Variants in PRC1 observed in about 807,000 individuals in gnomAD.
The protein encoded by PRC1 is protein regulator of cytokinesis 1.
A neutral mutation model predicts 91.2 loss-of-function variants in PRC1; 54 were observed. That is an observed-to-expected ratio of 0.59 (90% confidence interval 0.48 to 0.74). The LOEUF (loss-of-function observed/expected upper bound fraction) is 0.74, where lower values mean the gene tolerates loss of function less well. Ranked by LOEUF, PRC1 falls within the 30% of genes least tolerant of loss-of-function variation. The probability of loss-of-function intolerance (pLI) is 0.00; values close to 1 mark genes in which losing one functional copy is unlikely to be tolerated. For synonymous variants in PRC1, 275 were observed against 263.6 expected (o/e 1.04, Z -0.42); for missense variants, 727 against 746.2 (o/e 0.97, Z 0.30).
Position 90,984,106 on chromosome 15 carries a change from C to G in PRC1, c.179G>C (p.Ser60Thr). 6.2e-7 allele frequency: 1 copy of G among 1,614,164 alleles called. No individual in the cohort carries two copies. Among genetic ancestry groups the G allele is most frequent in the Non-Finnish European group, 8.5e-7 (1 of 1,180,024 alleles). The change falls in exon 3 of 15, where the codon AGC (serine) becomes ACC (threonine). Residue 60 changes from serine (S) to threonine (T), a missense_variant. Transcript: ENST00000394249. The surrounding 1 kb of genome is among the most constrained non-coding windows in gnomAD (Gnocchi z 5.1). ...GCTTTTGATGAGTCTTTCCTTCAGGCTTTCCTCTTCAGCAATCATCATATC... is the reference window on the plus strand; with the variant it reads ...GCTTTTGATGAGTCTTTCCTTCAGGGTTTCCTCTTCAGCAATCATCATATC... ...LLDMMIAEEE[S>T]LKERLIKSIS...
intron 14 of PRC1, 37 bp downstream of exon 14, chr15:90,969,042 G>A: frequency 6.2e-7 from 1 of 1,613,956 alleles, no homozygotes. Flanking sequence ...TGACAGATCA[G>A]TTTGGAAAAG....
chr15:90,968,665 G>A, intron 14 of PRC1: 1 of 1,014,362 alleles, frequency 9.9e-7, no homozygotes, highest in African/African-American at 1.7e-5. Context: ...AAGCCCTGAG[G>A]GGTTAGGAAG....
intron 5 of PRC1, 139 bp from the exon 6 acceptor site, chr15:90,981,172 C>G: frequency 8.8e-7 from 1 of 1,139,274 alleles, no homozygotes; most frequent in East Asian, 2.4e-5. Flanking sequence ...TTCATGCCTC[C>G]TAAACACGAG....
At chr15:90,990,299 G>A (rs1297222883) in intron 1 of PRC1, among the ~76,000 whole-genome samples, 3 of 150,686 alleles carry the variant, frequency 2.0e-5, no homozygotes, top group African/African-American at 4.9e-5. Context: ...TCACGTCACT[G>A]CACTCCAGCC....
rs2038482084 is a variant in PRC1, at chr15:90,974,444, A to G, written c.1350+141T>C. On this transcript the variant is annotated intron_variant, in intron 10 of 14. Transcript: ENST00000394249. The surrounding 1 kb of genome is among the most constrained non-coding windows in gnomAD (Gnocchi z 4.6). ...CCGGTCCCCGGCTCCCCGTTCCACAAGCCCCGGTCCCCGGCTTCCCGTTCC... is the reference window on the plus strand; with the variant it reads ...CCGGTCCCCGGCTCCCCGTTCCACAGGCCCCGGTCCCCGGCTTCCCGTTCC... The G allele has an allele frequency of 1.5e-6, 2 of 1,319,134 alleles. No homozygotes were observed. The highest frequency in any genetic ancestry group is 3.1e-5 in the African/African-American group (2 of 64,898). The allele number at this position is 1,319,134 out of a possible 1,614,324, so 81.7% of individuals were successfully genotyped here. A position where few individuals can be genotyped will look rare whatever the true frequency, so the allele number is the denominator to read the frequency against.
intron 7 of PRC1, 28 bp downstream of exon 7, chr15:90,980,214 A>T (rs759047693): frequency 1.3e-6 from 2 of 1,562,476 alleles, no homozygotes; most frequent in Non-Finnish European, 1.7e-6. Flanking sequence ...CCAAACAAAC[A>T]AACCAAAGAC....
chr15:90,973,083 T>C (rs2038307266), intron 11 of PRC1: 1 of 152,200 alleles, frequency 6.6e-6, no homozygotes, highest in African/African-American at 2.4e-5. Flanking sequence ...CCCTTTCCCA[T>C]CTCTGCAGGA....
chr15:90,969,062 G>C lies in PRC1; in HGVS notation c.1791+17C>G. 1 of 1,614,048 alleles carries C rather than the reference G, an allele frequency of 6.2e-7. No homozygotes were observed. The highest frequency in any genetic ancestry group is 1.1e-5 in the South Asian group (1 of 91,062). ...GATCAGTTTGGAAAAGGGACATGCA[G>C]GGATTGCCATACAGACCTGAAGCCC... is the stretch of plus-strand genomic sequence containing the variant. On this transcript the variant is annotated intron_variant, in intron 14 of 14. Transcript: ENST00000394249.
chr15:90,991,340 C>A (rs964076345), intron 1 of PRC1, among the ~76,000 whole-genome samples: 1 of 151,210 alleles, frequency 6.6e-6, no homozygotes, highest in Non-Finnish European at 1.5e-5. Flanking sequence ...CACTTGAACC[C>A]GGTGAACCCA....
intron 12 of PRC1, 68 bp from the exon 13 acceptor site, chr15:90,969,691 T>G: frequency 7.2e-7 from 1 of 1,389,198 alleles, no homozygotes; most frequent in Non-Finnish European, 9.6e-7. Context: ...ACACAATACC[T>G]GCACTGGTCA....
At chr15:90,980,739 C>G in intron 6 of PRC1, 145 bp downstream of exon 6, 1 of 1,163,670 alleles carries the variant, frequency 8.6e-7, no homozygotes, top group Non-Finnish European at 1.2e-6. Flanking sequence ...CTCCTGACCT[C>G]AAATGATTCA....
At chr15:90,981,145 G>T in intron 5 of PRC1, 112 bp from the exon 6 acceptor site, 2 of 1,389,508 alleles carry the variant, frequency 1.4e-6, no homozygotes, top group Non-Finnish European at 2.0e-6. Flanking sequence ...TTTCATGAGA[G>T]TTCAAAGTAG....
chr15:90,967,150 G>A lies in PRC1; in HGVS notation c.1844C>T (p.Ser615Leu). The change falls in exon 15 of 15, where the codon TCA becomes TTA. Residue 615 changes from serine to leucine, a missense_variant. Coordinates refer to ENST00000394249, the MANE Select transcript of PRC1 (RefSeq NM_003981.4). ...KSDATSGILN[S>L]TNIQS ...GGCTTCTCAGGACTGGATGTTGGTTGAATTGAGGATTCCAGAAGTAGCATC... is the reference window on the plus strand; with the variant it reads ...GGCTTCTCAGGACTGGATGTTGGTTAAATTGAGGATTCCAGAAGTAGCATC... The A allele has an allele frequency of 6.2e-7, 1 of 1,614,072 alleles. No individual in the cohort carries two copies. Among genetic ancestry groups the A allele is most frequent in the African/African-American group, 1.3e-5 (1 of 75,062 alleles).
intron 1 of PRC1, among the ~76,000 whole-genome samples, chr15:90,986,259 G>A (rs982035037): frequency 6.6e-6 from 1 of 152,186 alleles, no homozygotes. Flanking sequence ...CATAATAGCA[G>A]GGAAACAGAA....
At position 90,966,786 on chromosome 15, in the gene PRC1, G is replaced by A. The variant is rs2037530605; in HGVS notation, c.*345C>T. ...ATGCCAAAATTACCCCCAGGGATGGGCATAGTCAATCATTTTCCTACAGTG... is the reference window on the plus strand; with the variant it reads ...ATGCCAAAATTACCCCCAGGGATGGACATAGTCAATCATTTTCCTACAGTG... On this transcript the variant is annotated 3_prime_UTR_variant, in exon 15 of 15. Coordinates refer to ENST00000394249, the MANE Select transcript of PRC1 (RefSeq NM_003981.4). 2 of 429,998 alleles carry A rather than the reference G, an allele frequency of 4.7e-6. No homozygotes were observed. The highest frequency in any genetic ancestry group is 8.9e-6 in the Non-Finnish European group (2 of 223,970). 26.6% of individuals were successfully genotyped at this position (429,998 alleles called of 1,614,324 possible).
chr15:90,985,325 C>A (rs904741501), intron 1 of PRC1, among the ~76,000 whole-genome samples: 1 of 150,162 alleles, frequency 6.7e-6, no homozygotes, highest in Non-Finnish European at 1.5e-5. Flanking sequence ...CTACCTTTTG[C>A]GTTCAAATGA....
chr15:90,968,802 T>G (rs1353622016), intron 14 of PRC1: 6 of 1,246,362 alleles, frequency 4.8e-6, no homozygotes, highest in Non-Finnish European at 6.1e-6. Context: ...GCCTTTGATG[T>G]CACAATTGGG....
chr15:90,967,411 C>T (rs537183500), intron 14 of PRC1: 52 of 574,464 alleles, frequency 9.1e-5, no homozygotes, highest in South Asian at 8.1e-4. Context: ...CACGCATGCC[C>T]GTGACCCCTT....
intron 12 of PRC1, among the ~76,000 whole-genome samples, chr15:90,970,056 T>C (rs1009955701): frequency 6.6e-6 from 1 of 152,300 alleles, no homozygotes; most frequent in East Asian, 1.9e-4. Context: ...GCATGTCTAG[T>C]GATCTGGTTT....
Sources: gnomAD v4.1 joint callset for allele counts (sites outside exome capture counted in the v4.1 genomes callset) on GRCh38, gnomAD v4.1.1 for gene constraint, Gnocchi (gnomAD v3.1) non-coding constraint, MANE v1.5 for transcripts, NCBI Gene and HGNC (gene_info 2026-07-23, HGNC 2026-07-21) for gene names.